The following IFT81 variants were observed in gnomAD, a reference collection of about 807,000 sequenced individuals.
The protein encoded by IFT81 is intraflagellar transport 81.
IFT81 carries 72 observed loss-of-function variants against 102.6 expected under a neutral mutation model. The ratio of observed to expected loss-of-function variants is 0.70; its 90% CI spans 0.58 to 0.85. The LOEUF is 0.85. Ranked by LOEUF, IFT81 falls within the 40% of genes least tolerant of loss-of-function variation. The pLI is 0.00. For synonymous variants in IFT81, 237 were observed against 242.7 expected, an observed-to-expected ratio of 0.98 and a Z score of 0.22; for missense variants, 723 against 787.3, an observed-to-expected ratio of 0.92 and a Z score of 0.98.
intron 11 of IFT81, among the ~76,000 whole-genome samples, chr12:110,163,756 CA>C (rs1896286072): frequency 6.6e-6 from 1 of 151,608 alleles, no homozygotes; most frequent in African/African-American, 2.4e-5. Flanking sequence ...GCTGGGATTA[CA>C]GGTGGACGTC....
At chr12:110,173,565 G>C (rs1310628200) in intron 11 of IFT81, among the ~76,000 whole-genome samples, 1 of 152,220 alleles carries the variant, frequency 6.6e-6, no homozygotes, top group African/African-American at 2.4e-5. Context: ...GATGGTTGCC[G>C]TGTCTGTGTG....
chr12:110,203,720 G>A (rs908974448), intron 14 of IFT81, 144 bp from the exon 15 acceptor site: 1 of 660,784 alleles, frequency 1.5e-6, no homozygotes, highest in Non-Finnish European at 2.7e-6. Context: ...ATTCTCAAAT[G>A]TCTGGTTGTT....
intron 12 of IFT81, among the ~76,000 whole-genome samples, chr12:110,188,317 G>A (rs981155324): frequency 2.7e-5 from 4 of 149,770 alleles, no homozygotes; most frequent in Admixed American, 2.0e-4. Flanking sequence ...GAGCGACAGA[G>A]CAAGACTCCG....
chr12:110,205,831 T>C lies in IFT81; in HGVS notation c.1802+151T>C, dbSNP rs1480783111. On this transcript the variant is annotated intron_variant, in intron 17 of 18. Transcript: ENST00000242591. Reference sequence around the variant, plus strand: ...CTAAATCTTACTAAACATCTAGATATTTTAGCCCTGCTAAGTAGGAATACA... The same window carrying C: ...CTAAATCTTACTAAACATCTAGATACTTTAGCCCTGCTAAGTAGGAATACA... 5.9e-6 allele frequency: 3 copies of C among 511,958 alleles called. No individual in the cohort carries two copies. In the East Asian group the frequency reaches 1.0e-4, roughly 17 times the overall value. 31.7% of individuals were successfully genotyped at this position (511,958 alleles called of 1,614,324 possible).
intron 11 of IFT81, among the ~76,000 whole-genome samples, chr12:110,167,132 T>C (rs889832829): frequency 6.6e-6 from 1 of 152,182 alleles, no homozygotes; most frequent in Admixed American, 6.5e-5. Flanking sequence ...GCTCTTCTGA[T>C]TGCAGATGCT....
At chr12:110,160,711 T>C (rs1470748252) in intron 10 of IFT81, among the ~76,000 whole-genome samples, 1 of 152,204 alleles carries the variant, frequency 6.6e-6, no homozygotes, top group Non-Finnish European at 1.5e-5. Context: ...AACCATCACA[T>C]ATATTTACTT....
intron 10 of IFT81, among the ~76,000 whole-genome samples, chr12:110,158,789 C>A (rs1194006804): frequency 1.3e-5 from 2 of 152,058 alleles, no homozygotes; most frequent in Non-Finnish European, 2.9e-5. Context: ...CAGGGTTTCA[C>A]CTGTTAGCCA....
intron 12 of IFT81, among the ~76,000 whole-genome samples, chr12:110,181,273 T>G (rs1897307095): frequency 6.6e-6 from 1 of 152,222 alleles, no homozygotes; most frequent in Non-Finnish European, 1.5e-5. Flanking sequence ...GACTGAAAAT[T>G]TACTGTGAAT....
At position 110,192,710 on chromosome 12, in the gene IFT81, A is replaced by G. The variant is rs1382644339; in HGVS notation, c.1557+4A>G. On this transcript the variant is annotated splice_donor_region_variant and intron_variant, in intron 14 of 18. Transcript: ENST00000242591. ...ACAGTTGCGTCAAAAATATCAAGTA[A>G]GTTTTTGATTTTATCAAGTAATTTG... 1.3e-6 allele frequency: 2 copies of G among 1,502,386 alleles called. No homozygotes were observed. Among genetic ancestry groups the G allele is most frequent in the South Asian group, 2.4e-5 (2 of 82,438 alleles). The allele number at this position is 1,502,386 out of a possible 1,614,324, so 93.1% of individuals were successfully genotyped here. A position where few individuals can be genotyped will look rare whatever the true frequency, so the allele number is the denominator to read the frequency against.
intron 12 of IFT81, among the ~76,000 whole-genome samples, chr12:110,185,779 T>G (rs1332139363): frequency 6.6e-6 from 1 of 151,898 alleles, no homozygotes. Flanking sequence ...TGTATTTTTT[T>G]TTCAGACATG....
rs781717283 is a variant in IFT81 at position 110,134,939 on chromosome 12, A to G, written c.520-9A>G. On this transcript the variant is annotated splice_polypyrimidine_tract_variant and intron_variant, in intron 5 of 18. Coordinates refer to ENST00000242591, the MANE Select transcript of IFT81 (RefSeq NM_014055.4). Reference sequence around the variant, plus strand: ...TTTTTCTTATAAGGTCTTCTTTGCCACTTTTTAGGATATCAGTGCAATGGA... The same window carrying G: ...TTTTTCTTATAAGGTCTTCTTTGCCGCTTTTTAGGATATCAGTGCAATGGA... 2 of 1,604,138 alleles carry G rather than the reference A, an allele frequency of 1.2e-6. No homozygotes were observed. Among genetic ancestry groups the G allele is most frequent in the Admixed American group, 1.7e-5 (1 of 57,532 alleles).
At chr12:110,150,073 G>A (rs769757203) in intron 10 of IFT81, among the ~76,000 whole-genome samples, 1 of 151,902 alleles carries the variant, frequency 6.6e-6, no homozygotes, top group Non-Finnish European at 1.5e-5. Flanking sequence ...GGTGTTAGGA[G>A]TTCTCGTTGA....
chr12:110,166,550 C>G (rs1477934236), intron 11 of IFT81, among the ~76,000 whole-genome samples: 3 of 151,664 alleles, frequency 2.0e-5, no homozygotes, highest in Admixed American at 2.0e-4. Context: ...CACAATATAC[C>G]CTAATTCATC....
chr12:110,186,921 G>A (rs2137535062), intron 12 of IFT81, among the ~76,000 whole-genome samples: 1 of 151,976 alleles, frequency 6.6e-6, no homozygotes, highest in Middle Eastern at 3.4e-3. Context: ...CACTTTCCAT[G>A]TATTTCTTAT....
chr12:110,209,315 T>C, intron 18 of IFT81, 99 bp downstream of exon 18: 1 of 483,270 alleles, frequency 2.1e-6, no homozygotes, highest in Non-Finnish European at 3.6e-6. Context: ...AAGGTCATAG[T>C]ACAGTTTTTG....
chr12:110,133,653 C>A lies in IFT81; in HGVS notation c.519+1017C>A, dbSNP rs547053486. ...AAAAAAAAGAAAAGAAAAAATAATT[C>A]ACTCATAATCTCGTTCTCCAGAGAC... On this transcript the variant is annotated intron_variant, in intron 5 of 18. Transcript: ENST00000242591. Among the ~76,000 whole-genome samples, 265 of 152,054 alleles carry A rather than the reference C, an allele frequency of 1.7e-3. 1 individual carries two copies. The highest frequency in any genetic ancestry group is 3.3e-3 in the Non-Finnish European group (226 of 67,946).
In IFT81 at chr12:110,201,173, C is replaced by T. The variant is rs540768147; in HGVS notation, c.1558-2691C>T. On this transcript the variant is annotated intron_variant, in intron 14 of 18. Transcript: ENST00000242591. The stretch of plus-strand genomic sequence containing the variant: ...ATCCCAGCACTTTGGGAGGCCAAGG[C>T]GAGCAGATCACCTGAAGTCAGGAGT... Among the ~76,000 whole-genome samples the T allele has an allele frequency of 2.6e-5, 4 of 152,026 alleles. No individual in the cohort carries two copies. In the South Asian group the frequency reaches 8.3e-4, roughly 32 times the overall value.
At chr12:110,196,607 C>T (rs1439442279) in intron 14 of IFT81, among the ~76,000 whole-genome samples, 2 of 152,132 alleles carry the variant, frequency 1.3e-5, no homozygotes, top group African/African-American at 4.8e-5. Flanking sequence ...CCTAGCTACT[C>T]AGGGGGCCAA....
At chr12:110,215,723 T>C (rs1216736038) in intron 18 of IFT81, among the ~76,000 whole-genome samples, 1 of 151,894 alleles carries the variant, frequency 6.6e-6, no homozygotes, top group Non-Finnish European at 1.5e-5. Flanking sequence ...TGTCACTTAT[T>C]GTCTCTGACT....
Sources: gnomAD v4.1 joint callset for allele counts (sites outside exome capture counted in the v4.1 genomes callset) on GRCh38, gnomAD v4.1.1 for gene constraint, MANE v1.5 for transcripts, NCBI Gene and HGNC (gene_info 2026-07-23, HGNC 2026-07-21) for gene names.